Variants in GREB1 observed in about 807,000 individuals in gnomAD.
GREB1 encodes the protein growth regulating estrogen receptor binding 1.
A neutral mutation model predicts 200.7 loss-of-function variants in GREB1; 106 were observed. The observed-to-expected ratio is 0.53, with a 90% CI of 0.45 to 0.62. The LOEUF (loss-of-function observed/expected upper bound fraction) is 0.62, where lower values mean the gene tolerates loss of function less well. Ranked by LOEUF, GREB1 falls within the 20% of genes least tolerant of loss-of-function variation. The probability of loss-of-function intolerance (pLI) is 0.00; values close to 1 mark genes in which losing one functional copy is unlikely to be tolerated. For missense variants in GREB1, 2,243 were observed against 2,556.8 expected, an observed-to-expected ratio of 0.88 and a Z score of 2.65; for synonymous variants, 1,132 against 1,092.4, an observed-to-expected ratio of 1.04 and a Z score of -0.72.
chr2:11,607,269 G>A (rs376330763), intron 17 of GREB1, among the ~76,000 whole-genome samples: 1 of 150,364 alleles, frequency 6.7e-6, no homozygotes, highest in South Asian at 2.1e-4. Context: ...AATTTTTCTT[G>A]CTATATTGCC....
intron 32 of GREB1, among the ~76,000 whole-genome samples, chr2:11,639,280 G>T (rs1346923130): frequency 6.6e-6 from 1 of 152,146 alleles, no homozygotes; most frequent in Non-Finnish European, 1.5e-5. Flanking sequence ...GTAGAGACAG[G>T]GTTTTGCCAT....
chr2:11,618,366 G>T lies in GREB1; in HGVS notation c.3491G>T (p.Arg1164Leu), dbSNP rs199745686. ...GAGCATGCCAGGTCGCCCCAGCCCC[G>T]TGGCCCCGCAGAGGAGGGCAGAGCC... is the stretch of plus-strand genomic sequence containing the variant. Reference protein sequence around the residue: ...QGEHARSPQPRGPAEEGRAPG... With the variant: ...QGEHARSPQPLGPAEEGRAPG... The change falls in exon 22 of 33, where the codon CGT becomes CTT. Residue 1164 changes from arginine (R) to leucine (L), a missense_variant. Physicochemically the swap from Arg to Leu is moderately radical, Grantham distance 102 (BLOSUM62 -2). Around this residue, in one of 3 missense-constraint regions of GREB1, gnomAD observed 587 missense variants for 553.1 expected, o/e 1.06. Transcript: ENST00000381486. 1.9e-6 allele frequency: 3 copies of T among 1,610,628 alleles called. No individual in the cohort carries two copies. In the Admixed American group the frequency reaches 5.0e-5, roughly 27 times the overall value.
intron 1 of GREB1, among the ~76,000 whole-genome samples, chr2:11,506,426 T>A (rs910593969): frequency 6.6e-6 from 1 of 152,188 alleles, no homozygotes; most frequent in Non-Finnish European, 1.5e-5. Context: ...GAATCAGAGC[T>A]TCTCTCCCCA....
At chr2:11,558,969 T>C (rs1165294830) in intron 2 of GREB1, among the ~76,000 whole-genome samples, 1 of 152,130 alleles carries the variant, frequency 6.6e-6, no homozygotes, top group African/African-American at 2.4e-5. Context: ...ACATTCTTGA[T>C]TTTTTTAAAA....
chr2:11,507,130 A>G (rs919296747), intron 1 of GREB1, among the ~76,000 whole-genome samples: 17 of 152,102 alleles, frequency 1.1e-4, no homozygotes, highest in African/African-American at 4.1e-4. Flanking sequence ...TAATAACAAC[A>G]GTAACAGGTG....
intron 1 of GREB1, among the ~76,000 whole-genome samples, chr2:11,551,740 G>GCCGCAGCCCGGGTTCGATTC (rs1225564916): frequency 2.6e-5 from 4 of 152,160 alleles, no homozygotes; most frequent in African/African-American, 9.6e-5. Flanking sequence ...CGCTCCCACC[G>GCCGCAGCCCGGGTTCGATTC]CCGCAGCCCG....
Position 11,611,040 on chromosome 2 carries a change from C to T in GREB1, c.3006+13C>T, listed in dbSNP as rs55890755. ...AAAGCAGCTCAGGGTAGGTGCTGTG[C>T]GCAGGGAGGGGCGGAGGGCCTGGGG... On this transcript the variant is annotated intron_variant, in intron 18 of 32. Coordinates refer to ENST00000381486, the MANE Select transcript of GREB1 (RefSeq NM_014668.4). 254,782 of 1,550,658 alleles carry T rather than the reference C, an allele frequency of 0.16. 22,915 individuals carry two copies. The highest frequency in any genetic ancestry group is 0.2 in the Middle Eastern group (1,132 of 5,624).
Position 11,520,981 on chromosome 2 carries a change from C to T in GREB1, c.-158-35476C>T, listed in dbSNP as rs73187488. ...GCAGGGGGCGTCTGGGATCCCACTG[C>T]GGGCAGTGCTAGAATTCTTATGCCC... On this transcript the variant is annotated intron_variant, in intron 1 of 2. Transcript: ENST00000628795. Among the ~76,000 whole-genome samples the T allele has an allele frequency of 5.4e-3, 827 of 152,312 alleles. 7 individuals are homozygous for T. Among genetic ancestry groups the T allele is most frequent in the African/African-American group, 0.018 (758 of 41,562 alleles).
intron 1 of GREB1, among the ~76,000 whole-genome samples, chr2:11,484,145 T>A (rs554376919): frequency 6.6e-6 from 1 of 152,262 alleles, no homozygotes; most frequent in African/African-American, 2.4e-5. Context: ...GAATTCCACT[T>A]CTCGATCCTC....
intron 1 of GREB1, among the ~76,000 whole-genome samples, chr2:11,489,477 T>G (rs1276259997): frequency 6.6e-6 from 1 of 151,906 alleles, no homozygotes; most frequent in East Asian, 1.9e-4. Flanking sequence ...AAAAAATAAA[T>G]AAAGAATGCT....
chr2:11,605,617 A>G (rs1198313031), intron 17 of GREB1, among the ~76,000 whole-genome samples: 1 of 152,166 alleles, frequency 6.6e-6, no homozygotes, highest in African/African-American at 2.4e-5. Flanking sequence ...GCCCTTTGTA[A>G]TTCCTTCCTC....
chr2:11,484,606 AAAG>A lies in GREB1; in HGVS notation c.-159+2228_-159+2230del, dbSNP rs1470445502. 3.2e-4 allele frequency among the ~76,000 whole-genome samples: 47 copies of A among 148,940 alleles called. 1 individual carries two copies. Among genetic ancestry groups the A allele is most frequent in the African/African-American group, 1.1e-3 (44 of 39,282 alleles). On this transcript the variant is annotated intron_variant, in intron 1 of 2. Coordinates refer to the GREB1 transcript ENST00000628795. ...CTCTTAAAAAACAAAAAAAAAAAAA[AAAG>A]AAAGAAAGAAAAAGAAAGAAAAAAA...
At chr2:11,612,276 G>C (rs1479679514) in intron 18 of GREB1, 2 of 1,257,004 alleles carry the variant, frequency 1.6e-6, no homozygotes, top group African/African-American at 3.1e-5. Flanking sequence ...GAGATGTCTT[G>C]GACATGCTCT....
chr2:11,538,990 T>TCCCCTCC (rs1572617894), intron 1 of GREB1, among the ~76,000 whole-genome samples: 3 of 102,936 alleles, frequency 2.9e-5, no homozygotes, highest in East Asian at 7.3e-4. Context: ...TCCTCTCCTC[T>TCCCCTCC]CTTCTCCTCC....
rs1426513770 is a variant in GREB1 at position 11,548,035 on chromosome 2, GGGCATGGT to G, written c.-161-8412_-161-8405del. On this transcript the variant is annotated intron_variant, in intron 1 of 32. Transcript: ENST00000381486. This position sits in a 1 kb window ranked among gnomAD's most constrained non-coding sequence, Gnocchi z 5.1. Reference sequence around the variant, plus strand: ...CTGTCCTTACCAAAAAAAGCTATCTGGGCATGGTGGCATGTTCCTATAGTCCTAGCTAC... The same window carrying G: ...CTGTCCTTACCAAAAAAAGCTATCTGGGCATGTTCCTATAGTCCTAGCTAC... Among the ~76,000 whole-genome samples the G allele has an allele frequency of 2.0e-5, 3 of 152,056 alleles. No individual in the cohort carries two copies. The highest frequency in any genetic ancestry group is 4.4e-5 in the Non-Finnish European group (3 of 68,018).
At chr2:11,520,611 T>C (rs1056137237) in intron 1 of GREB1, among the ~76,000 whole-genome samples, 1 of 152,222 alleles carries the variant, frequency 6.6e-6, no homozygotes, top group African/African-American at 2.4e-5. Context: ...CTCCACCCTC[T>C]CTCTCCTCTT....
At chr2:11,512,339 A>C (rs1673374724) in intron 1 of GREB1, among the ~76,000 whole-genome samples, 1 of 152,232 alleles carries the variant, frequency 6.6e-6, no homozygotes, top group African/African-American at 2.4e-5. Flanking sequence ...TATGAGGCTG[A>C]AGTAGAAAAT....
chr2:11,615,748 GA>G lies in GREB1; in HGVS notation c.3322+459del, dbSNP rs1265621029. Among the ~76,000 whole-genome samples the G allele has an allele frequency of 2.0e-5, 3 of 152,314 alleles. No homozygotes were observed. In the East Asian group the frequency reaches 5.8e-4, roughly 29 times the overall value. On this transcript the variant is annotated intron_variant, in intron 20 of 32. Coordinates refer to ENST00000381486, the MANE Select transcript of GREB1 (RefSeq NM_014668.4). ...AAGTGTGAAAACAGGCTCATTTGCA[GA>G]CTCTTCAAATCTGATGCCGCCTTTT...
chr2:11,635,377 G>A lies in GREB1; in HGVS notation c.5318G>A (p.Gly1773Asp), dbSNP rs917949805. 6.2e-7 allele frequency: 1 copy of A among 1,611,226 alleles called. No individual in the cohort carries two copies. The highest frequency in any genetic ancestry group is 8.5e-7 in the Non-Finnish European group (1 of 1,178,588). The change falls in exon 30 of 33, where the codon GGC becomes GAC. Residue 1773 changes from glycine to aspartate, a missense_variant. By Grantham distance (94) the Gly-to-Asp change is moderately conservative. Around this residue, in one of 3 missense-constraint regions of GREB1, gnomAD observed 478 missense variants for 616.3 expected, o/e 0.78. Transcript: ENST00000381486. ...ATGAAGAAGCAGATCGTGGTGGGCG[G>A]CCACAGGTCCTTCCACATCACATCC... ...SVMKKQIVVG[G>D]HRSFHITSKV... is the part of the protein sequence containing the mutation.
Sources: allele counts gnomAD v4.1 joint callset (sites outside exome capture counted in the v4.1 genomes callset), GRCh38; gene constraint gnomAD v4.1.1; regional missense constraint gnomAD v4.1.1; non-coding constraint Gnocchi (gnomAD v3.1); transcripts MANE v1.5; gene names NCBI Gene and HGNC (gene_info 2026-07-23, HGNC 2026-07-21).